MARCHF1: variants seen among roughly 807,000 people sequenced by gnomAD.
MARCHF1 encodes the protein E3 ubiquitin-protein ligase MARCHF1.
In MARCHF1, 40 loss-of-function variants were observed where a neutral mutation model predicts 54.2. The ratio of observed to expected loss-of-function variants is 0.74; its 90% CI spans 0.57 to 0.96. The LOEUF is 0.96. Ranked by LOEUF, MARCHF1 falls within the 40% of genes least tolerant of loss-of-function variation. MARCHF1 has a pLI of 0.00. For synonymous variants in MARCHF1, 236 were observed against 236.3 expected (o/e 1.00, Z 0.01); for missense variants, 586 against 656.5 (o/e 0.89, Z 1.17).
At chr4:164,316,736 G>A (rs1355048503) in intron 1 of MARCHF1, among the ~76,000 whole-genome samples, 1 of 152,192 alleles carries the variant, frequency 6.6e-6, no homozygotes, top group African/African-American at 2.4e-5. Flanking sequence ...AATCCCCAGT[G>A]TTGGAGAAGA....
intron 2 of MARCHF1, among the ~76,000 whole-genome samples, chr4:164,021,356 T>C (rs1357188431): frequency 2.6e-5 from 4 of 152,178 alleles, no homozygotes; most frequent in Non-Finnish European, 4.4e-5. Context: ...CCATCAACTC[T>C]GTGGATAAAA....
chr4:163,545,982 TGTA>T (rs1252356066), intron 8 of MARCHF1, among the ~76,000 whole-genome samples: 1 of 151,094 alleles, frequency 6.6e-6, no homozygotes, highest in African/African-American at 2.4e-5. Flanking sequence ...TGTGTGTGTG[TGTA>T]TTTTTTTGAG....
chr4:164,042,738 A>C (rs1385702825), intron 2 of MARCHF1, among the ~76,000 whole-genome samples: 1 of 152,200 alleles, frequency 6.6e-6, no homozygotes, highest in Non-Finnish European at 1.5e-5. Context: ...CATCTGAGAC[A>C]AGGTAATTCT....
At chr4:164,041,925 A>T (rs1172345696) in intron 2 of MARCHF1, among the ~76,000 whole-genome samples, 1 of 152,116 alleles carries the variant, frequency 6.6e-6, no homozygotes, top group African/African-American at 2.4e-5. Flanking sequence ...TAGGGGAAAA[A>T]ATGATCCCTT....
intron 5 of MARCHF1, among the ~76,000 whole-genome samples, chr4:163,656,381 T>A (rs537496264): frequency 2.0e-5 from 3 of 151,696 alleles, no homozygotes; most frequent in Non-Finnish European, 4.4e-5. Context: ...CTGAATAGAC[T>A]AATAACAAGT....
chr4:163,791,968 T>A (rs1434638319), intron 4 of MARCHF1, among the ~76,000 whole-genome samples: 1 of 152,144 alleles, frequency 6.6e-6, no homozygotes, highest in Non-Finnish European at 1.5e-5. Context: ...AGACAATAAC[T>A]GTTTCTGAGA....
intron 3 of MARCHF1, among the ~76,000 whole-genome samples, chr4:163,922,085 T>C (rs1028320777): frequency 1.3e-5 from 2 of 152,002 alleles, no homozygotes; most frequent in African/African-American, 4.8e-5. Flanking sequence ...TGGATGAAGC[T>C]GGAAACCATC....
At chr4:163,806,956 A>C (rs995470002) in intron 4 of MARCHF1, among the ~76,000 whole-genome samples, 2 of 152,228 alleles carry the variant, frequency 1.3e-5, no homozygotes, top group African/African-American at 4.8e-5. Flanking sequence ...ACACTTAACA[A>C]ATCTCAGGAT....
chr4:164,056,412 G>A lies in MARCHF1; in HGVS notation c.-248+55176C>T, dbSNP rs899649169. On this transcript the variant is annotated intron_variant, in intron 2 of 9. Coordinates refer to ENST00000514618, the MANE Select transcript of MARCHF1 (RefSeq NM_001394959.1). Reference sequence around the variant, plus strand: ...GGCTCAAGAAATCTCCTGAGCATTTGAGACAAAGTTTCCATGAGAACCTTT... The same window carrying A: ...GGCTCAAGAAATCTCCTGAGCATTTAAGACAAAGTTTCCATGAGAACCTTT... 2.2e-4 allele frequency among the ~76,000 whole-genome samples: 34 copies of A among 152,276 alleles called. 1 individual carries two copies. Among genetic ancestry groups the A allele is most frequent in the African/African-American group, 7.0e-4 (29 of 41,548 alleles).
intron 8 of MARCHF1, among the ~76,000 whole-genome samples, chr4:163,545,947 ATGTGTGTGTGTGTG>A (rs70948653): frequency 6.0e-5 from 9 of 148,932 alleles, no homozygotes; most frequent in South Asian, 4.3e-4. Context: ...TTAAATACAT[ATGTGTGTGTGTGTG>A]TGTGTGTGTG....
At chr4:164,004,281 C>T (rs189660950) in intron 2 of MARCHF1, among the ~76,000 whole-genome samples, 102 of 150,856 alleles carry the variant, frequency 6.8e-4, no homozygotes, top group African/African-American at 2.4e-3. Flanking sequence ...CACATGTATC[C>T]CAGAACTTAA....
intron 4 of MARCHF1, among the ~76,000 whole-genome samples, chr4:163,776,927 A>G (rs943118013): frequency 2.0e-5 from 3 of 152,134 alleles, no homozygotes; most frequent in African/African-American, 2.4e-5. Flanking sequence ...ATCTTTTTCT[A>G]CCCTCAAGAT....
At chr4:164,080,774 C>T (rs1475264296) in intron 2 of MARCHF1, among the ~76,000 whole-genome samples, 2 of 151,238 alleles carry the variant, frequency 1.3e-5, no homozygotes, top group Non-Finnish European at 2.9e-5. Context: ...CATAAAAGTC[C>T]CTAAATCCTC....
chr4:163,766,379 T>C (rs1165552134), intron 4 of MARCHF1, among the ~76,000 whole-genome samples: 1 of 151,190 alleles, frequency 6.6e-6, no homozygotes, highest in Admixed American at 6.7e-5. Context: ...TCTCCTCTCA[T>C]ATTTACCTTT....
intron 5 of MARCHF1, among the ~76,000 whole-genome samples, chr4:163,656,886 T>C (rs1417446824): frequency 2.0e-5 from 3 of 152,032 alleles, no homozygotes; most frequent in Non-Finnish European, 4.4e-5. Context: ...CTCAACAAAC[T>C]AGGTATTGAA....
intron 3 of MARCHF1, among the ~76,000 whole-genome samples, chr4:163,878,353 T>C (rs551628346): frequency 2.6e-4 from 39 of 152,328 alleles, no homozygotes; most frequent in African/African-American, 9.4e-4. Context: ...GATCTGTGCT[T>C]AGACAGTCAG....
Position 164,169,856 on chromosome 4 carries a change from C to A in MARCHF1, c.-322-58194G>T, listed in dbSNP as rs532566713. ...CTCACTCACTTTATACCTTATATAT[C>A]ATCTTCAGCCAGAAAACACAACCAA... is the stretch of plus-strand genomic sequence containing the variant. On this transcript the variant is annotated intron_variant, in intron 1 of 9. Transcript: ENST00000514618. Among the ~76,000 whole-genome samples, 124 of 152,214 alleles carry A rather than the reference C, an allele frequency of 8.1e-4. 1 individual carries two copies. In the Middle Eastern group the frequency reaches 0.017, roughly 21 times the overall value.
intron 3 of MARCHF1, among the ~76,000 whole-genome samples, chr4:163,920,146 A>G (rs10007567): frequency 0.23 from 34,322 of 152,064 alleles, 4,865 homozygotes; most frequent in African/African-American, 0.4. Flanking sequence ...GAATAGAAGC[A>G]CTTAGTGGCT....
intron 8 of MARCHF1, among the ~76,000 whole-genome samples, chr4:163,567,075 G>T (rs1020735471): frequency 6.6e-6 from 1 of 152,062 alleles, no homozygotes; most frequent in African/African-American, 2.4e-5. Context: ...CATGGCACAT[G>T]TATATGCATG....
Sources: allele counts gnomAD v4.1 joint callset (sites outside exome capture counted in the v4.1 genomes callset), GRCh38; gene constraint gnomAD v4.1.1; transcripts MANE v1.5; gene names NCBI Gene and HGNC (gene_info 2026-07-23, HGNC 2026-07-21).